NKAIN3: variants seen among roughly 807,000 people sequenced by gnomAD.
The protein encoded by NKAIN3 is sodium/potassium transporting ATPase interacting 3.
NKAIN3 carries 25 observed loss-of-function variants against 30.2 expected under a neutral mutation model. The ratio of observed to expected loss-of-function variants is 0.83; its 90% CI spans 0.60 to 1.16. The LOEUF (loss-of-function observed/expected upper bound fraction) is 1.16, where lower values mean the gene tolerates loss of function less well. Ranked by LOEUF, NKAIN3 falls within the 50% of genes most tolerant of loss-of-function variation. The pLI, the probability that NKAIN3 is intolerant of heterozygous loss-of-function variation, is 0.00. For synonymous variants in NKAIN3, 91 were observed against 89.6 expected, an observed-to-expected ratio of 1.02 and a Z score of -0.09; for missense variants, 225 against 254.1, an observed-to-expected ratio of 0.89 and a Z score of 0.78.
intron 1 of NKAIN3, among the ~76,000 whole-genome samples, chr8:62,506,595 C>T (rs771735741): frequency 3.3e-5 from 5 of 150,646 alleles, no homozygotes; most frequent in Non-Finnish European, 5.9e-5. Context: ...TTGCCTCAGC[C>T]TCCCGAGTAG....
At chr8:62,628,576 A>G (rs1811858518) in intron 3 of NKAIN3, among the ~76,000 whole-genome samples, 1 of 152,082 alleles carries the variant, frequency 6.6e-6, no homozygotes, top group Non-Finnish European at 1.5e-5. Context: ...TAATTCTTCT[A>G]GCCTGTTTTG....
chr8:62,954,678 T>A (rs1823374391), intron 6 of NKAIN3, among the ~76,000 whole-genome samples: 2 of 152,218 alleles, frequency 1.3e-5, no homozygotes, highest in Admixed American at 1.3e-4. Context: ...AAATTCCAAG[T>A]AGCACATATA....
intron 3 of NKAIN3, among the ~76,000 whole-genome samples, chr8:62,656,423 C>T (rs1586056086): frequency 6.6e-6 from 1 of 150,950 alleles, no homozygotes; most frequent in South Asian, 2.1e-4. Flanking sequence ...GCACATGTAC[C>T]CCAGAACCTA....
chr8:62,663,105 G>T (rs192399670), intron 3 of NKAIN3, among the ~76,000 whole-genome samples: 2 of 152,316 alleles, frequency 1.3e-5, no homozygotes, highest in Admixed American at 1.3e-4. Flanking sequence ...GCGTAAGAAA[G>T]GGTATTGGGA....
intron 1 of NKAIN3, among the ~76,000 whole-genome samples, chr8:62,287,504 A>T (rs1219168536): frequency 6.6e-6 from 1 of 152,124 alleles, no homozygotes; most frequent in African/African-American, 2.4e-5. Flanking sequence ...TTATATAGTC[A>T]TAGTATATAG....
intron 4 of NKAIN3, among the ~76,000 whole-genome samples, chr8:62,916,886 C>T (rs1392310866): frequency 6.6e-6 from 1 of 152,086 alleles, no homozygotes; most frequent in Non-Finnish European, 1.5e-5. Context: ...TGACAGCTCC[C>T]ACACGCTCAT....
intron 4 of NKAIN3, among the ~76,000 whole-genome samples, chr8:62,774,827 G>C (rs1489977677): frequency 6.6e-6 from 1 of 151,976 alleles, no homozygotes; most frequent in African/African-American, 2.4e-5. Flanking sequence ...GAGGATTTTT[G>C]TATCAATTCT....
intron 4 of NKAIN3, among the ~76,000 whole-genome samples, chr8:62,907,395 C>T (rs746831094): frequency 4.6e-4 from 70 of 152,272 alleles, no homozygotes; most frequent in Non-Finnish European, 9.3e-4. Context: ...AATTCAAAAG[C>T]AAAACCCATT....
chr8:62,312,760 G>A (rs143848702), intron 1 of NKAIN3, among the ~76,000 whole-genome samples: 208 of 151,490 alleles, frequency 1.4e-3, no homozygotes, highest in African/African-American at 4.7e-3. Context: ...AGAGGCTCTA[G>A]TGAGCCATAA....
In NKAIN3 at chr8:62,699,502, C is replaced by A. The variant is rs918379543; in HGVS notation, c.274-47430C>A. Reference sequence around the variant, plus strand: ...TTCTGTAGCTAATTGGACAAACTTGCATATTGAATGCTTCTAAATATCTGC... The same window carrying A: ...TTCTGTAGCTAATTGGACAAACTTGAATATTGAATGCTTCTAAATATCTGC... On this transcript the variant is annotated intron_variant, in intron 3 of 6. Coordinates refer to ENST00000623646, the MANE Select transcript of NKAIN3 (RefSeq NM_001304533.3). 3.9e-5 allele frequency among the ~76,000 whole-genome samples: 6 copies of A among 152,178 alleles called. No homozygotes were observed. The South Asian group carries it at 1.2e-3, about 31-fold the overall frequency.
chr8:62,584,799 G>A (rs1444370050), intron 2 of NKAIN3, among the ~76,000 whole-genome samples: 1 of 152,172 alleles, frequency 6.6e-6, no homozygotes, highest in Non-Finnish European at 1.5e-5. Flanking sequence ...TTCTGCTACT[G>A]TAAATCCTGG....
At chr8:62,851,756 A>T (rs553216910) in intron 4 of NKAIN3, among the ~76,000 whole-genome samples, 1 of 152,182 alleles carries the variant, frequency 6.6e-6, no homozygotes, top group East Asian at 1.9e-4. Flanking sequence ...GCTGGATTAC[A>T]TTTATTGTTT....
chr8:62,806,129 G>A lies in NKAIN3; in HGVS notation c.471+59000G>A, dbSNP rs1421296623. 7.2e-5 allele frequency among the ~76,000 whole-genome samples: 11 copies of A among 152,262 alleles called. No individual in the cohort carries two copies. The East Asian group carries it at 2.1e-3, about 29-fold the overall frequency. On this transcript the variant is annotated intron_variant, in intron 4 of 6. Transcript: ENST00000623646. ...ATATCATCTCACACCAGTTAGAATGGCAATCATTAAAAAGTTAGGAAACAA... is the reference window on the plus strand; with the variant it reads ...ATATCATCTCACACCAGTTAGAATGACAATCATTAAAAAGTTAGGAAACAA...
chr8:62,421,619 T>TC (rs376990551), intron 1 of NKAIN3, among the ~76,000 whole-genome samples: 4 of 151,542 alleles, frequency 2.6e-5, no homozygotes, highest in African/African-American at 9.8e-5. Context: ...TCTCTCTCTC[T>TC]TTCTCTCTCT....
chr8:62,952,906 T>C (rs1395339355), intron 5 of NKAIN3, among the ~76,000 whole-genome samples: 1 of 152,174 alleles, frequency 6.6e-6, no homozygotes, highest in Non-Finnish European at 1.5e-5. Context: ...AACTGTATTT[T>C]CTGCACCAGA....
chr8:62,688,233 A>T (rs1411364387), intron 3 of NKAIN3, among the ~76,000 whole-genome samples: 4 of 152,294 alleles, frequency 2.6e-5, no homozygotes, highest in Admixed American at 6.5e-5. Context: ...ATTATGGGTA[A>T]CAGAAGCTGA....
intron 1 of NKAIN3, among the ~76,000 whole-genome samples, chr8:62,529,731 GT>G (rs1563442351): frequency 6.6e-6 from 1 of 152,098 alleles, no homozygotes; most frequent in Non-Finnish European, 1.5e-5. Flanking sequence ...ATGGTATTCT[GT>G]TATAGAAGCC....
chr8:62,557,925 A>G (rs1809457832), intron 1 of NKAIN3, among the ~76,000 whole-genome samples: 2 of 151,796 alleles, frequency 1.3e-5, no homozygotes, highest in Admixed American at 6.6e-5. Context: ...AGTCCCAGCT[A>G]TTTTTCTTTG....
rs1220548726 is a variant in NKAIN3, at chr8:62,980,948, A to G, written c.*15541A>G. 2 of 152,252 alleles carry G rather than the reference A, an allele frequency of 1.3e-5. No homozygotes were observed. The highest frequency in any genetic ancestry group is 2.9e-5 in the Non-Finnish European group (2 of 68,044). The allele number at this position is 152,252 out of a possible 1,614,324, so 9.4% of individuals were successfully genotyped here. A position where few individuals can be genotyped will look rare whatever the true frequency, so the allele number is the denominator to read the frequency against. ...AACTCAAATTATCTAAGGTTTACCC[A>G]GAAGTCAAAATCACCTGGCCCTCTG... On this transcript the variant is annotated 3_prime_UTR_variant, in exon 7 of 7. Coordinates refer to ENST00000623646, the MANE Select transcript of NKAIN3 (RefSeq NM_001304533.3).
Sources: allele counts gnomAD v4.1 joint callset (sites outside exome capture counted in the v4.1 genomes callset), GRCh38; gene constraint gnomAD v4.1.1; transcripts MANE v1.5; gene names NCBI Gene and HGNC (gene_info 2026-07-23, HGNC 2026-07-21).